The following PSAT1 variants were observed in gnomAD, a reference collection of about 807,000 sequenced individuals.
PSAT1 encodes phosphoserine aminotransferase.
In PSAT1, 41 loss-of-function variants were observed where a neutral mutation model predicts 40.3. That is an observed-to-expected ratio of 1.02 (90% CI 0.79 to 1.32). The LOEUF (loss-of-function observed/expected upper bound fraction) is 1.32. Ranked by LOEUF, PSAT1 falls within the 40% of genes most tolerant of loss-of-function variation. The pLI is 0.00. For synonymous variants in PSAT1, 147 were observed against 170.5 expected, an observed-to-expected ratio of 0.86 and a Z score of 1.07; for missense variants, 406 against 455.8, an observed-to-expected ratio of 0.89 and a Z score of 0.99.
chr9:78,304,641 C>A, intron 3 of PSAT1, 94 bp from the exon 4 acceptor site: 1 of 1,167,960 alleles, frequency 8.6e-7, no homozygotes, highest in Non-Finnish European at 1.3e-6. Context: ...TGTAGTAAAT[C>A]CACCCAAGTT....
At chr9:78,304,992 C>A in intron 4 of PSAT1, 52 bp downstream of exon 4, 1 of 1,531,956 alleles carries the variant, frequency 6.5e-7, no homozygotes, top group South Asian at 1.1e-5. Flanking sequence ...GTGGGTTACC[C>A]CGACCCAGGG....
At chr9:78,318,081 C>G (rs1049785682) in intron 7 of PSAT1, among the ~76,000 whole-genome samples, 1 of 152,208 alleles carries the variant, frequency 6.6e-6, no homozygotes, top group East Asian at 1.9e-4. Context: ...TCTCAGTTCA[C>G]TCCCTGGGGT....
chr9:78,310,382 G>A (rs138377230), intron 6 of PSAT1, among the ~76,000 whole-genome samples: 2 of 152,216 alleles, frequency 1.3e-5, no homozygotes, highest in Non-Finnish European at 2.9e-5. Flanking sequence ...GTGGATTTGC[G>A]TGTGTTTGCA....
At chr9:78,310,839 C>T (rs565226444) in intron 6 of PSAT1, among the ~76,000 whole-genome samples, 4 of 152,212 alleles carry the variant, frequency 2.6e-5, no homozygotes, top group African/African-American at 9.6e-5. Flanking sequence ...AACTCCTGAC[C>T]TCAGGTGATC....
intron 6 of PSAT1, among the ~76,000 whole-genome samples, chr9:78,309,256 A>G (rs1180229918): frequency 2.6e-5 from 4 of 152,296 alleles, no homozygotes; most frequent in African/African-American, 9.6e-5. Context: ...AGCTTTGGAG[A>G]AGAACTTTCA....
chr9:78,326,954 T>TA (rs1828507018), intron 7 of PSAT1, among the ~76,000 whole-genome samples: 1 of 90,422 alleles, frequency 1.1e-5, no homozygotes, highest in Non-Finnish European at 2.0e-5. Flanking sequence ...TATATATATA[T>TA]ATTTTTTTTT....
intron 6 of PSAT1, among the ~76,000 whole-genome samples, chr9:78,313,052 T>C (rs1828290515): frequency 6.6e-6 from 1 of 152,138 alleles, no homozygotes; most frequent in Non-Finnish European, 1.5e-5. Flanking sequence ...TTTGTATTGC[T>C]TTAAAAAATT....
At position 78,321,241 on chromosome 9, in the gene PSAT1, C is replaced by T. The variant is rs556888192; in HGVS notation, c.869+3437C>T. On this transcript the variant is annotated intron_variant, in intron 7 of 8. Coordinates refer to ENST00000376588, the MANE Select transcript of PSAT1 (RefSeq NM_058179.4). ...CTCTTTCTAGGAACTCCCACCACCC[C>T]CTCAGTTGCCTGCCTGGAAAGCGTC... Among the ~76,000 whole-genome samples the T allele has an allele frequency of 2.4e-4, 37 of 152,274 alleles. No individual in the cohort carries two copies. The South Asian group carries it at 6.8e-3, about 28-fold the overall frequency.
intron 7 of PSAT1, among the ~76,000 whole-genome samples, chr9:78,324,104 T>A (rs1413696883): frequency 6.6e-6 from 1 of 152,142 alleles, no homozygotes; most frequent in Non-Finnish European, 1.5e-5. Context: ...GAGCAGCGTG[T>A]CTCCGAGGGG....
chr9:78,310,410 A>G (rs1828249335), intron 6 of PSAT1, among the ~76,000 whole-genome samples: 1 of 151,760 alleles, frequency 6.6e-6, no homozygotes, highest in South Asian at 2.1e-4. Flanking sequence ...GCCTTAGGAG[A>G]ATAGTTCACT....
chr9:78,326,955 A>ATATATATATATATATATATTTTT, intron 7 of PSAT1, among the ~76,000 whole-genome samples: 5 of 75,930 alleles, frequency 6.6e-5, no homozygotes, highest in African/African-American at 3.8e-4. Context: ...ATATATATAT[A>ATATATATATATATATATATTTTT]TTTTTTTTTT....
Position 78,329,897 on chromosome 9 carries a change from T to C in PSAT1, c.*811T>C, listed in dbSNP as rs1299475549. 6.6e-6 allele frequency: 1 copy of C among 152,192 alleles called. No homozygotes were observed. Among genetic ancestry groups the C allele is most frequent in the Non-Finnish European group, 1.5e-5 (1 of 68,020 alleles). 9.4% of individuals were successfully genotyped at this position (152,192 alleles called of 1,614,324 possible). A position where few individuals can be genotyped will look rare whatever the true frequency, so the allele number is the denominator to read the frequency against. On this transcript the variant is annotated 3_prime_UTR_variant, in exon 9 of 9. Coordinates refer to ENST00000376588, the MANE Select transcript of PSAT1 (RefSeq NM_058179.4). ...TCCATAGGTAGAAGAGAAAGTTGAT[T>C]GGTTGGTTGTTTTTCAATTATGCCA... is the stretch of plus-strand genomic sequence containing the variant.
At chr9:78,297,309 G>A in intron 1 of PSAT1, 39 bp downstream of exon 1, 1 of 1,570,686 alleles carries the variant, frequency 6.4e-7, no homozygotes, top group Non-Finnish European at 8.6e-7. Flanking sequence ...TGAGGTTCAG[G>A]CGGGAGCACG....
intron 2 of PSAT1, among the ~76,000 whole-genome samples, chr9:78,301,545 TC>T (rs1828108019): frequency 6.6e-6 from 1 of 152,192 alleles, no homozygotes; most frequent in Non-Finnish European, 1.5e-5. Flanking sequence ...TAAATTTTGC[TC>T]CTGTTGGTTT....
At chr9:78,314,149 C>T (rs895892080) in intron 6 of PSAT1, among the ~76,000 whole-genome samples, 6 of 152,088 alleles carry the variant, frequency 3.9e-5, no homozygotes, top group African/African-American at 1.2e-4. Context: ...GTTTTAGAGC[C>T]CTTGTGTTTT....
chr9:78,322,179 G>A (rs1453686161), intron 7 of PSAT1, among the ~76,000 whole-genome samples: 1 of 151,304 alleles, frequency 6.6e-6, no homozygotes, highest in African/African-American at 2.4e-5. Flanking sequence ...ATGTCCAAGT[G>A]ACAGATTCCA....
At chr9:78,305,330 C>T (rs1828165658) in intron 4 of PSAT1, among the ~76,000 whole-genome samples, 1 of 152,080 alleles carries the variant, frequency 6.6e-6, no homozygotes, top group Non-Finnish European at 1.5e-5. Flanking sequence ...GGCCAGGCTG[C>T]TTTTGAACTC....
intron 4 of PSAT1, 91 bp from the exon 5 acceptor site, chr9:78,306,223 G>T (rs1451966697): frequency 7.3e-7 from 1 of 1,375,678 alleles, no homozygotes; most frequent in Non-Finnish European, 1.0e-6. Context: ...CCCTGCTAGG[G>T]GAGGCCTGTC....
chr9:78,328,324 A>G, intron 8 of PSAT1, 136 bp downstream of exon 8: 1 of 1,014,994 alleles, frequency 9.9e-7, no homozygotes, highest in Non-Finnish European at 1.5e-6. Context: ...CAGCTGTTAT[A>G]AGGATGTGCC....
Sources: allele counts gnomAD v4.1 joint callset (sites outside exome capture counted in the v4.1 genomes callset), GRCh38; gene constraint gnomAD v4.1.1; transcripts MANE v1.5; gene names NCBI Gene and HGNC (gene_info 2026-07-23, HGNC 2026-07-21).